IL1RN: variants seen among roughly 807,000 people sequenced by gnomAD.
IL1RN encodes interleukin 1 receptor antagonist.
In IL1RN, 10 loss-of-function variants were observed where a neutral mutation model predicts 13.7. The ratio of observed to expected loss-of-function variants is 0.73; its 90% CI spans 0.45 to 1.24. The LOEUF (loss-of-function observed/expected upper bound fraction) is 1.24, where lower values mean the gene tolerates loss of function less well. Among genes scored for constraint, IL1RN ranks in the 50% most tolerant of loss-of-function variants. IL1RN has a pLI of 0.00. For synonymous variants in IL1RN, 102 were observed against 82.7 expected, an observed-to-expected ratio of 1.23 and a Z score of -1.27; for missense variants, 213 against 222.1, an observed-to-expected ratio of 0.96 and a Z score of 0.26.
upstream of IL1RN, chr2:113,127,453 G>A (rs1345933698): frequency 1.4e-6 from 2 of 1,409,468 alleles, no homozygotes; most frequent in African/African-American, 2.9e-5. Context: ...CACTTAGTGG[G>A]GTTGAAAGTG....
the IL1RN span, among the ~76,000 whole-genome samples, chr2:113,099,995 A>C: frequency 2.3e-5 from 3 of 132,674 alleles, no homozygotes; most frequent in Non-Finnish European, 3.2e-5. Context: ...CGGCCTCCCA[A>C]AGTGCTGGGA....
At chr2:113,108,995 G>C (rs1050271267), upstream of IL1RN, among the ~76,000 whole-genome samples, 18 of 151,898 alleles carry the variant, frequency 1.2e-4, no homozygotes, top group African/African-American at 4.4e-4. Flanking sequence ...ACTAAAACAA[G>C]AGAAACAGAG....
intron 1 of IL1RN, among the ~76,000 whole-genome samples, chr2:113,118,813 G>C (rs1686671548): frequency 6.6e-6 from 1 of 152,166 alleles, no homozygotes; most frequent in African/African-American, 2.4e-5. Context: ...AAGGTGGGTG[G>C]ATCTCTTGAG....
At chr2:113,118,056 A>G (rs1448231334) in intron 1 of IL1RN, 2 of 1,612,588 alleles carry the variant, frequency 1.2e-6, no homozygotes, top group East Asian at 2.2e-5. Context: ...TCATTTTTTC[A>G]CCTGAGAAAT....
chr2:113,119,621 G>T (rs193257295), intron 1 of IL1RN, among the ~76,000 whole-genome samples: 4 of 152,314 alleles, frequency 2.6e-5, no homozygotes, highest in Admixed American at 6.5e-5. Context: ...AAAGTAGGAT[G>T]CTGGAACCAC....
Position 113,120,136 on chromosome 2 carries a change from A to C in IL1RN, c.73+8A>C, listed in dbSNP as rs878972. ...ACAATGCTGACTCAAAGGGTAAATT[A>C]TTTTTAGGATCCAAGTTTGAAAACA... On this transcript the variant is annotated splice_region_variant and intron_variant, in intron 2 of 5. Coordinates refer to the IL1RN transcript ENST00000259206. 0.26 allele frequency: 414,048 copies of C among 1,604,640 alleles called. 56,618 individuals are homozygous for C. The highest frequency in any genetic ancestry group is 0.3 in the Admixed American group (18,153 of 59,870).
chr2:113,131,444 A>T (rs1464302649), intron 3 of IL1RN, among the ~76,000 whole-genome samples: 1 of 152,034 alleles, frequency 6.6e-6, no homozygotes, highest in Non-Finnish European at 1.5e-5. Flanking sequence ...TCCAAAAGGG[A>T]TTATTCCAAA....
At chr2:113,107,589 C>A (rs930826160), upstream of IL1RN, among the ~76,000 whole-genome samples, 1 of 146,680 alleles carries the variant, frequency 6.8e-6, no homozygotes, top group Non-Finnish European at 1.5e-5. Context: ...AAAAAATAGC[C>A]ATGTGTGGTG....
At chr2:113,120,690 T>G (rs953349302) in intron 2 of IL1RN, among the ~76,000 whole-genome samples, 1 of 152,196 alleles carries the variant, frequency 6.6e-6, no homozygotes, top group Non-Finnish European at 1.5e-5. Flanking sequence ...TTTAGAATCA[T>G]TTCTTTCCTT....
intron 1 of IL1RN, among the ~76,000 whole-genome samples, chr2:113,119,203 TC>T (rs1313871790): frequency 1.3e-5 from 2 of 152,216 alleles, no homozygotes; most frequent in East Asian, 3.8e-4. Flanking sequence ...AGTGGAAGTG[TC>T]AGCTCTTAAT....
At chr2:113,105,202 G>C (rs952036888), upstream of IL1RN, among the ~76,000 whole-genome samples, 1 of 152,214 alleles carries the variant, frequency 6.6e-6, no homozygotes, top group African/African-American at 2.4e-5. Flanking sequence ...TGTTTGGAAA[G>C]AGTGAGTACT....
At chr2:113,116,408 G>T (rs1039425643), upstream of IL1RN, among the ~76,000 whole-genome samples, 4 of 151,778 alleles carry the variant, frequency 2.6e-5, no homozygotes, top group African/African-American at 9.7e-5. Context: ...ACACACCTTG[G>T]CATTACATCT....
chr2:113,117,917 T>G, exon 1 of IL1RN: 1 of 800,384 alleles, frequency 1.2e-6, no homozygotes. Flanking sequence ...TGGGAGGGAC[T>G]GTGGCCCAGG....
At chr2:113,112,354 A>G (rs1051568935) in intron 1 of IL1RN, among the ~76,000 whole-genome samples, 4 of 152,132 alleles carry the variant, frequency 2.6e-5, no homozygotes, top group African/African-American at 7.2e-5. Flanking sequence ...CTTCCTCCAA[A>G]AAGTATACAA....
chr2:113,132,996 G>T lies in IL1RN; in HGVS notation c.*125G>T. ...CCAGCCATTGAGGGGTGGACCCTCA[G>T]AAGGCGTCACAACAACCTGGTCACA... On this transcript the variant is annotated 3_prime_UTR_variant, in exon 4 of 4. Transcript: ENST00000409930. The T allele has an allele frequency of 1.1e-6, 1 of 894,092 alleles. No homozygotes were observed. The highest frequency in any genetic ancestry group is 1.4e-5 in the South Asian group (1 of 73,188). 55.4% of individuals were successfully genotyped at this position (894,092 alleles called of 1,614,324 possible).
intron 1 of IL1RN, among the ~76,000 whole-genome samples, chr2:113,111,476 C>T (rs1369202685): frequency 2.0e-5 from 3 of 152,138 alleles, no homozygotes; most frequent in Admixed American, 6.5e-5. Context: ...TGAGATAGTT[C>T]ACATAATGGC....
upstream of IL1RN, among the ~76,000 whole-genome samples, chr2:113,103,531 T>C (rs1686344691): frequency 6.6e-6 from 1 of 152,120 alleles, no homozygotes; most frequent in Non-Finnish European, 1.5e-5. Context: ...CTAGCAATGA[T>C]TCGGAAATGG....
Position 113,133,051 on chromosome 2 carries a change from C to A in IL1RN, c.*180C>A. The A allele has an allele frequency of 1.5e-6, 1 of 674,752 alleles. No individual in the cohort carries two copies. Among genetic ancestry groups the A allele is most frequent in the Non-Finnish European group, 2.7e-6 (1 of 371,932 alleles). 41.8% of individuals were successfully genotyped at this position (674,752 alleles called of 1,614,324 possible). A position where few individuals can be genotyped will look rare whatever the true frequency, so the allele number is the denominator to read the frequency against. ...TCTGCCTCCTCTTCAACTGACCAGCCTCCATGCTGCCTCCAGAATGGTCTT... is the reference window on the plus strand; with the variant it reads ...TCTGCCTCCTCTTCAACTGACCAGCATCCATGCTGCCTCCAGAATGGTCTT... On this transcript the variant is annotated 3_prime_UTR_variant, in exon 4 of 4. Coordinates refer to ENST00000409930, the MANE Select transcript of IL1RN (RefSeq NM_173842.3).
At chr2:113,119,696 C>T (rs956440682) in intron 1 of IL1RN, among the ~76,000 whole-genome samples, 4 of 152,100 alleles carry the variant, frequency 2.6e-5, no homozygotes, top group African/African-American at 9.7e-5. Flanking sequence ...TGGTTCATCC[C>T]AAAATATTTT....
Sources: gnomAD v4.1 joint callset for allele counts (sites outside exome capture counted in the v4.1 genomes callset) on GRCh38, gnomAD v4.1.1 for gene constraint, MANE v1.5 for transcripts, NCBI Gene and HGNC (gene_info 2026-07-23, HGNC 2026-07-21) for gene names.